Variants in N4BP2L2 observed in about 807,000 individuals in gnomAD.
N4BP2L2 encodes NEDD4 binding protein 2 like 2.
N4BP2L2 carries 50 observed loss-of-function variants against 56.2 expected under a neutral mutation model. The observed-to-expected ratio is 0.89, with a 90% CI of 0.71 to 1.13. N4BP2L2 has a LOEUF of 1.13. Ranked by LOEUF, N4BP2L2 falls within the 50% of genes most tolerant of loss-of-function variation. The pLI is 0.00. For missense variants in N4BP2L2, 689 were observed against 693.8 expected, an observed-to-expected ratio of 0.99 and a Z score of 0.08; for synonymous variants, 203 against 223.6, an observed-to-expected ratio of 0.91 and a Z score of 0.82.
chr13:32,536,732 G>C lies in N4BP2L2; in HGVS notation c.296C>G (p.Ser99Ter), dbSNP rs759748083. The C allele has an allele frequency of 6.2e-7, 1 of 1,614,068 alleles. No homozygotes were observed. Among genetic ancestry groups the C allele is most frequent in the Non-Finnish European group, 8.5e-7 (1 of 1,180,006 alleles). The stretch of plus-strand genomic sequence containing the variant: ...AGGACGTGCTTCCTGTAAAACCTGT[G>C]AATCAATGGATTCAATAACATCTGG... Residue 99 changes from serine (S) to a stop codon, truncating the protein, a stop_gained, in exon 2 of 6, where the codon TCA (serine) becomes TGA (stop). Transcript: ENST00000267068. LOFTEE classifies it high-confidence loss of function.
rs144369979 is a variant in N4BP2L2 at position 32,497,371 on chromosome 13, C to T, written c.365+20486G>A. Among the ~76,000 whole-genome samples, 41 of 152,318 alleles carry T rather than the reference C, an allele frequency of 2.7e-4. No individual in the cohort carries two copies. In the East Asian group the frequency reaches 7.5e-3, roughly 28 times the overall value. ...TCTTTACATCAGAGAGGCCTCCTTG[C>T]TCCCAAGATTTTAGTTTTTAAAAAC... is the stretch of plus-strand genomic sequence containing the variant. On this transcript the variant is annotated intron_variant, in intron 6 of 9. Transcript: ENST00000357505.
At chr13:32,505,681 C>T (rs1470858687), downstream of N4BP2L2, 1 of 152,204 alleles carries the variant, frequency 6.6e-6, no homozygotes, top group African/African-American at 2.4e-5. Flanking sequence ...TTATAATAAG[C>T]ATTGCCTTTC....
intron 6 of N4BP2L2, among the ~76,000 whole-genome samples, chr13:32,489,781 A>T (rs2086662552): frequency 6.8e-6 from 1 of 147,826 alleles, no homozygotes; most frequent in African/African-American, 2.5e-5. Flanking sequence ...AAAAAAAAAA[A>T]CTTGCAGTTC....
chr13:32,484,266 G>A (rs1458198865), intron 6 of N4BP2L2, among the ~76,000 whole-genome samples: 1 of 152,156 alleles, frequency 6.6e-6, no homozygotes, highest in Non-Finnish European at 1.5e-5. Context: ...GGTCAAGGCT[G>A]CAGCGAGCCG....
chr13:32,462,912 G>A (rs545388276), intron 6 of N4BP2L2, among the ~76,000 whole-genome samples: 9 of 140,998 alleles, frequency 6.4e-5, no homozygotes, highest in Admixed American at 2.9e-4. Context: ...GCACAGCAGC[G>A]CATGCCTGTA....
chr13:32,469,606 G>A (rs961937560), intron 6 of N4BP2L2, among the ~76,000 whole-genome samples: 7 of 152,190 alleles, frequency 4.6e-5, no homozygotes, highest in African/African-American at 1.7e-4. Context: ...TGGGAGTTAG[G>A]CAACTAATGT....
intron 6 of N4BP2L2, among the ~76,000 whole-genome samples, chr13:32,481,956 T>G (rs2084846076): frequency 6.6e-6 from 1 of 152,194 alleles, no homozygotes; most frequent in African/African-American, 2.4e-5. Flanking sequence ...TTTAAGTATA[T>G]ATTCATGTAA....
chr13:32,451,718 T>A (rs995431370), intron 6 of N4BP2L2, among the ~76,000 whole-genome samples: 1 of 143,930 alleles, frequency 6.9e-6, no homozygotes, highest in Non-Finnish European at 1.5e-5. Context: ...GCCCAGCTAT[T>A]TTTTTTTTTT....
chr13:32,506,562 G>A (rs2090983500), downstream of N4BP2L2: 1 of 152,088 alleles, frequency 6.6e-6, no homozygotes, highest in African/African-American at 2.4e-5. Flanking sequence ...AAAAATAAGG[G>A]AAATAATAAT....
chr13:32,442,923 C>G (rs748885163), exon 7 of N4BP2L2: 5 of 1,612,808 alleles, frequency 3.1e-6, no homozygotes, highest in Non-Finnish European at 4.2e-6. Context: ...CTTCACTGTT[C>G]CTTTCTGAAA....
chr13:32,490,691 C>G (rs1231332690), intron 6 of N4BP2L2, among the ~76,000 whole-genome samples: 1 of 152,172 alleles, frequency 6.6e-6, no homozygotes, highest in Non-Finnish European at 1.5e-5. Context: ...TGAAACTGTT[C>G]CACCTCAGAT....
intron 6 of N4BP2L2, among the ~76,000 whole-genome samples, chr13:32,459,321 A>G (rs570794596): frequency 1.3e-4 from 20 of 152,260 alleles, no homozygotes; most frequent in African/African-American, 4.6e-4. Context: ...AAAAAAAGAC[A>G]AAACAACAGA....
intron 6 of N4BP2L2, among the ~76,000 whole-genome samples, chr13:32,453,818 T>C (rs60398467): frequency 0.057 from 8,744 of 152,294 alleles, 852 homozygotes; most frequent in African/African-American, 0.2. Context: ...CTGGTGACTC[T>C]GAGCTCAAAG....
intron 6 of N4BP2L2, among the ~76,000 whole-genome samples, chr13:32,469,370 T>C (rs1593632276): frequency 2.6e-5 from 4 of 152,170 alleles, no homozygotes; most frequent in Non-Finnish European, 4.4e-5. Context: ...CACCTAGAAG[T>C]GCACAGCACC....
chr13:32,491,957 C>T (rs144076985), intron 6 of N4BP2L2, among the ~76,000 whole-genome samples: 112 of 152,238 alleles, frequency 7.4e-4, no homozygotes, highest in Middle Eastern at 3.4e-3. Context: ...TCACCAGAAG[C>T]TCTTCCTAAT....
exon 6 of N4BP2L2, chr13:32,514,845 C>A (rs1261914339): frequency 6.6e-6 from 1 of 152,086 alleles, no homozygotes; most frequent in African/African-American, 2.4e-5. Flanking sequence ...TTTAAAAAAA[C>A]CAACTAGGCC....
chr13:32,458,151 G>A (rs530612675), intron 6 of N4BP2L2, among the ~76,000 whole-genome samples: 138 of 152,210 alleles, frequency 9.1e-4, no homozygotes, highest in African/African-American at 3.1e-3. Context: ...TGTCAGCTCC[G>A]TCTCCCAGGT....
At chr13:32,456,656 T>C (rs1294837936) in intron 6 of N4BP2L2, among the ~76,000 whole-genome samples, 1 of 152,118 alleles carries the variant, frequency 6.6e-6, no homozygotes, top group Non-Finnish European at 1.5e-5. Flanking sequence ...AAGATATGAA[T>C]GAGAAATTCA....
intron 7 of N4BP2L2, among the ~76,000 whole-genome samples, chr13:32,439,978 A>T (rs1427843099): frequency 6.6e-6 from 1 of 151,392 alleles, no homozygotes; most frequent in Non-Finnish European, 1.5e-5. Context: ...GTGAGCCAAG[A>T]TCTCACCACT....
Sources: gnomAD v4.1 joint callset for allele counts (sites outside exome capture counted in the v4.1 genomes callset) on GRCh38, gnomAD v4.1.1 for gene constraint, MANE v1.5 for transcripts, NCBI Gene and HGNC (gene_info 2026-07-23, HGNC 2026-07-21) for gene names.